CCDC7: variants seen among roughly 807,000 people sequenced by gnomAD.
The protein encoded by CCDC7 is coiled-coil domain-containing protein 7.
A neutral mutation model predicts 196.9 loss-of-function variants in CCDC7; 183 were observed. The observed-to-expected ratio is 0.93, with a 90% CI of 0.82 to 1.05. CCDC7 has a LOEUF of 1.05. Among genes scored for constraint, CCDC7 ranks in the 50% least tolerant of loss-of-function variants. CCDC7 has a pLI of 0.00. For synonymous variants in CCDC7, 525 were observed against 484.6 expected (o/e 1.08, Z -1.10); for missense variants, 1,540 against 1,482.2 (o/e 1.04, Z -0.64).
intron 18 of CCDC7, among the ~76,000 whole-genome samples, chr10:32,620,445 A>G (rs1301826135): frequency 6.6e-6 from 1 of 151,170 alleles, no homozygotes; most frequent in Non-Finnish European, 1.5e-5. Flanking sequence ...TTTTAGAGGT[A>G]TAATTGTCTT....
chr10:32,560,697 G>C (rs112934572), intron 13 of CCDC7, among the ~76,000 whole-genome samples: 7 of 152,274 alleles, frequency 4.6e-5, no homozygotes, highest in African/African-American at 1.4e-4. Context: ...GGAACAACTG[G>C]TACCAGCCAC....
intron 21 of CCDC7, among the ~76,000 whole-genome samples, chr10:32,668,172 T>G (rs1017622623): frequency 6.6e-6 from 1 of 152,150 alleles, no homozygotes; most frequent in Non-Finnish European, 1.5e-5. Context: ...TCTCTGTTTG[T>G]CTGTTATTGG....
chr10:32,799,623 T>C (rs2084364652), intron 29 of CCDC7, among the ~76,000 whole-genome samples: 1 of 152,228 alleles, frequency 6.6e-6, no homozygotes, highest in African/African-American at 2.4e-5. Context: ...GGTGATATTC[T>C]AAGGAATATC....
chr10:32,857,132 A>C (rs924102270), intron 41 of CCDC7, among the ~76,000 whole-genome samples: 2 of 152,142 alleles, frequency 1.3e-5, no homozygotes, highest in African/African-American at 4.8e-5. Flanking sequence ...AAAGTCCTTT[A>C]CACTGAGAAA....
At chr10:32,515,663 C>T (rs924295555) in intron 9 of CCDC7, among the ~76,000 whole-genome samples, 3 of 152,016 alleles carry the variant, frequency 2.0e-5, no homozygotes, top group Non-Finnish European at 4.4e-5. Flanking sequence ...TCTGCCTCAG[C>T]CTTCCGAGTA....
intron 16 of CCDC7, among the ~76,000 whole-genome samples, chr10:32,579,309 TTTTTATGTTTC>T (rs1370504764): frequency 1.3e-5 from 2 of 152,180 alleles, no homozygotes; most frequent in African/African-American, 4.8e-5. Flanking sequence ...AAATACTTTA[TTTTTATGTTTC>T]TTGTATGAAA....
At chr10:32,711,476 T>C (rs117144129) in intron 24 of CCDC7, 144 bp from the exon 26 acceptor site, 21,070 of 522,088 alleles carry the variant, frequency 0.04, 520 homozygotes, top group Non-Finnish European at 0.047. Context: ...ACCATTTTCA[T>C]GTCAGAGCTA....
intron 9 of CCDC7, among the ~76,000 whole-genome samples, chr10:32,510,480 T>C (rs769973047): frequency 3.3e-5 from 5 of 152,182 alleles, no homozygotes; most frequent in Non-Finnish European, 5.9e-5. Flanking sequence ...CAAACAATTA[T>C]GGTATTAATG....
intron 28 of CCDC7, among the ~76,000 whole-genome samples, chr10:32,761,536 G>C (rs1300124626): frequency 6.6e-6 from 1 of 151,938 alleles, no homozygotes; most frequent in African/African-American, 2.4e-5. Context: ...AAAAGTATGA[G>C]CTTGGAATTC....
chr10:32,648,959 A>G (rs1046755374), intron 20 of CCDC7, among the ~76,000 whole-genome samples: 1 of 152,254 alleles, frequency 6.6e-6, no homozygotes, highest in South Asian at 2.1e-4. Flanking sequence ...CATATATTCC[A>G]TGGAATACTA....
At chr10:32,537,674 G>A (rs2050742215) in intron 11 of CCDC7, among the ~76,000 whole-genome samples, 1 of 152,112 alleles carries the variant, frequency 6.6e-6, no homozygotes, top group Non-Finnish European at 1.5e-5. Context: ...TTTGAATGTG[G>A]TGTAAGGTAG....
intron 9 of CCDC7, among the ~76,000 whole-genome samples, chr10:32,499,811 G>T (rs1015128895): frequency 6.6e-6 from 1 of 151,720 alleles, no homozygotes; most frequent in Non-Finnish European, 1.5e-5. Context: ...GACTCTTAAC[G>T]AGTATGCTGC....
rs144375491 is a variant in CCDC7, at chr10:32,832,373, C to T, written c.3269-2442C>T. Among the ~76,000 whole-genome samples, 1,207 of 151,968 alleles carry T rather than the reference C, an allele frequency of 7.9e-3. 6 individuals are homozygous for T. Among genetic ancestry groups the T allele is most frequent in the Middle Eastern group, 0.02 (6 of 294 alleles). On this transcript the variant is annotated intron_variant, in intron 32 of 41. Transcript: ENST00000639629. ...CAAAAATTAGCTGGGCATGGTGGTG[C>T]GGGCCTGTAATCCCAGTTACTCATG...
chr10:32,465,426 G>A (rs992090353), intron 5 of CCDC7, among the ~76,000 whole-genome samples: 2 of 132,526 alleles, frequency 1.5e-5, no homozygotes, highest in South Asian at 2.6e-4. Context: ...GTTGTATGTT[G>A]TTAAATTAAA....
intron 18 of CCDC7, among the ~76,000 whole-genome samples, chr10:32,603,064 T>C (rs1325115689): frequency 7.2e-5 from 11 of 152,174 alleles, no homozygotes; most frequent in African/African-American, 1.4e-4. Flanking sequence ...TTTTACCTAA[T>C]TGTGTGTTTT....
At chr10:32,628,813 A>C (rs1216640088) in intron 18 of CCDC7, among the ~76,000 whole-genome samples, 1 of 152,044 alleles carries the variant, frequency 6.6e-6, no homozygotes, top group Non-Finnish European at 1.5e-5. Context: ...AATTTTCTAA[A>C]ATTTATTCTG....
At position 32,751,360 on chromosome 10, in the gene CCDC7, G is replaced by A. The variant is rs888165692; in HGVS notation, c.2905+21903G>A. On this transcript the variant is annotated intron_variant, in intron 28 of 41. Coordinates refer to ENST00000639629, the Ensembl canonical transcript of CCDC7. ...AGCCAGTACCGAAACTTTTTTCTCT[G>A]TGTCGATTTATTTAATGGCATGGGA... Among the ~76,000 whole-genome samples, 3 of 151,990 alleles carry A rather than the reference G, an allele frequency of 2.0e-5. No individual in the cohort carries two copies. In the South Asian group the frequency reaches 6.2e-4, roughly 32 times the overall value.
At chr10:32,546,538 T>C (rs2052493390) in intron 13 of CCDC7, among the ~76,000 whole-genome samples, 1 of 152,206 alleles carries the variant, frequency 6.6e-6, no homozygotes, top group African/African-American at 2.4e-5. Flanking sequence ...TGTACAAGTA[T>C]GTGCAAGCGT....
intron 13 of CCDC7, among the ~76,000 whole-genome samples, chr10:32,559,084 T>C (rs1158298822): frequency 6.6e-6 from 1 of 152,142 alleles, no homozygotes; most frequent in African/African-American, 2.4e-5. Flanking sequence ...CACTCTGAGA[T>C]CAAACTGCAA....
Sources: allele counts gnomAD v4.1 joint callset (sites outside exome capture counted in the v4.1 genomes callset), GRCh38; gene constraint gnomAD v4.1.1; transcripts MANE v1.5; gene names NCBI Gene and HGNC (gene_info 2026-07-23, HGNC 2026-07-21).